Variants in BLK observed in about 807,000 individuals in gnomAD.
The protein encoded by BLK is tyrosine-protein kinase Blk.
In BLK, 64 loss-of-function variants were observed where a neutral mutation model predicts 61.8. The observed-to-expected ratio is 1.03, with a 90% CI of 0.85 to 1.27. The LOEUF (loss-of-function observed/expected upper bound fraction) is 1.27. BLK is among the 50% of genes most tolerant of loss of function. The pLI, the probability that BLK is intolerant of heterozygous loss-of-function variation, is 0.00. For synonymous variants in BLK, 351 were observed against 272.0 expected, an observed-to-expected ratio of 1.29 and a Z score of -2.86; for missense variants, 853 against 660.5, an observed-to-expected ratio of 1.29 and a Z score of -3.19.
chr8:11,534,828 T>C (rs1800045764), intron 1 of BLK, among the ~76,000 whole-genome samples: 1 of 152,220 alleles, frequency 6.6e-6, no homozygotes, highest in African/African-American at 2.4e-5. Context: ...CCTCTCACCA[T>C]CAGGCTCTGT....
At chr8:11,559,998 G>T (rs2117589671) in intron 10 of BLK, 1 of 365,664 alleles carries the variant, frequency 2.7e-6, no homozygotes, top group Admixed American at 3.7e-5. Flanking sequence ...ATAAATATTA[G>T]TTATCAGAAC....
At chr8:11,535,284 G>GAAAGAAAGAA in intron 1 of BLK, among the ~76,000 whole-genome samples, 1 of 138,856 alleles carries the variant, frequency 7.2e-6, no homozygotes, top group South Asian at 2.6e-4. Context: ...AAGAAAGAAA[G>GAAAGAAAGAA]AAAGAAAGAA....
intron 8 of BLK, 151 bp downstream of exon 8, chr8:11,555,635 G>A (rs1801175771): frequency 1.6e-6 from 2 of 1,232,308 alleles, no homozygotes; most frequent in Non-Finnish European, 2.3e-6. Context: ...ATTTTACAGA[G>A]GAGGAAGTGG....
intron 1 of BLK, among the ~76,000 whole-genome samples, chr8:11,513,679 T>G (rs1799111285): frequency 6.6e-6 from 1 of 152,206 alleles, no homozygotes; most frequent in Non-Finnish European, 1.5e-5. Flanking sequence ...TACCAAGTGA[T>G]CCAGGGAGGC....
At chr8:11,498,961 TA>T (rs1798460490) in intron 1 of BLK, among the ~76,000 whole-genome samples, 2 of 152,268 alleles carry the variant, frequency 1.3e-5, no homozygotes, top group African/African-American at 4.8e-5. Flanking sequence ...TTCTTTGATT[TA>T]CTTTTATGCC....
At chr8:11,546,824 C>A (rs1468963166) in intron 3 of BLK, among the ~76,000 whole-genome samples, 1 of 152,236 alleles carries the variant, frequency 6.6e-6, no homozygotes, top group Admixed American at 6.5e-5. Flanking sequence ...GATCTGCCCG[C>A]CTCAGCCTCT....
chr8:11,548,708 G>A (rs1487240819), intron 4 of BLK, among the ~76,000 whole-genome samples: 2 of 152,184 alleles, frequency 1.3e-5, no homozygotes, highest in African/African-American at 4.8e-5. Context: ...CGCCAACCGT[G>A]TTTTTCTCAA....
chr8:11,510,728 G>A (rs182188358), intron 1 of BLK, among the ~76,000 whole-genome samples: 24 of 151,882 alleles, frequency 1.6e-4, no homozygotes, highest in African/African-American at 2.9e-4. Flanking sequence ...TATTATCCCC[G>A]GGATAGCGCC....
rs1798970599 is a variant in BLK at position 11,510,798 on chromosome 8, TAA to T, written c.-2+16209_-2+16210del. Among the ~76,000 whole-genome samples, 4 of 151,330 alleles carry T rather than the reference TAA, an allele frequency of 2.6e-5. No individual in the cohort carries two copies. The South Asian group carries it at 8.3e-4, about 31-fold the overall frequency. ...TCAAATAAATAAATAAATAAATAAA[TAA>T]ATAAATAAATAAATAAATACATAAA... On this transcript the variant is annotated intron_variant, in intron 1 of 12. Transcript: ENST00000259089.
At chr8:11,532,912 C>T (rs534055542) in intron 1 of BLK, among the ~76,000 whole-genome samples, 2 of 152,332 alleles carry the variant, frequency 1.3e-5, no homozygotes, top group African/African-American at 4.8e-5. Context: ...TTTTGAATAA[C>T]AGTTCTGTGA....
chr8:11,536,971 C>T (rs1243012457), intron 1 of BLK, among the ~76,000 whole-genome samples: 1 of 152,138 alleles, frequency 6.6e-6, no homozygotes, highest in Non-Finnish European at 1.5e-5. Flanking sequence ...ATGCCTGTAC[C>T]TTCCGCTATG....
chr8:11,556,110 G>T, intron 8 of BLK: 1 of 226,694 alleles, frequency 4.4e-6, no homozygotes, highest in Non-Finnish European at 8.8e-6. Context: ...CTGTACCCAG[G>T]TCCCTGCCAA....
intron 1 of BLK, among the ~76,000 whole-genome samples, chr8:11,540,818 A>G (rs551574813): frequency 6.6e-6 from 1 of 151,548 alleles, no homozygotes; most frequent in East Asian, 1.9e-4. Flanking sequence ...CCTGTGAGGA[A>G]CAGATAACCC....
At chr8:11,554,442 A>G (rs1801087679) in intron 6 of BLK, among the ~76,000 whole-genome samples, 1 of 152,064 alleles carries the variant, frequency 6.6e-6, no homozygotes. Context: ...CAGATGCCCA[A>G]GTGGGGACCT....
chr8:11,507,205 G>A (rs549650909), intron 1 of BLK, among the ~76,000 whole-genome samples: 1 of 152,336 alleles, frequency 6.6e-6, no homozygotes, highest in African/African-American at 2.4e-5. Flanking sequence ...GAAGAGTGAA[G>A]TGGGGAAGGA....
At chr8:11,512,752 C>A (rs573239628) in intron 1 of BLK, among the ~76,000 whole-genome samples, 5 of 152,206 alleles carry the variant, frequency 3.3e-5, no homozygotes, top group African/African-American at 1.2e-4. Context: ...CAACCTCCCC[C>A]TCCTGGGTTC....
intron 10 of BLK, chr8:11,559,008 T>G: frequency 2.2e-6 from 1 of 456,264 alleles, no homozygotes; most frequent in Non-Finnish European, 4.4e-6. Flanking sequence ...AAATGAGTGC[T>G]GGTAACCGGC....
At chr8:11,531,715 C>A (rs4841550) in intron 1 of BLK, among the ~76,000 whole-genome samples, 5 of 151,934 alleles carry the variant, frequency 3.3e-5, no homozygotes, top group South Asian at 2.1e-4. Flanking sequence ...TAATTTCTCC[C>A]CAGTCACTGA....
At position 11,563,058 on chromosome 8, in the gene BLK, G is replaced by A. The variant is rs374263505; in HGVS notation, c.1260G>A (p.Ser420=). 3.5e-5 allele frequency: 57 copies of A among 1,614,052 alleles called. No individual in the cohort carries two copies. The highest frequency in any genetic ancestry group is 4.4e-5 in the Non-Finnish European group (52 of 1,180,048). The change falls in exon 12 of 13, where the codon TCG becomes TCA. Residue 420 remains serine (S), a synonymous_variant. Coordinates refer to ENST00000259089, the MANE Select transcript of BLK (RefSeq NM_001715.3). ...GVFTIKADVW[S]FGVLLMEVVT... ...TCACCATCAAAGCAGACGTGTGGTCGTTTGGAGTCCTCCTGATGGAAGTTG... is the reference window on the plus strand; with the variant it reads ...TCACCATCAAAGCAGACGTGTGGTCATTTGGAGTCCTCCTGATGGAAGTTG...
Sources: allele counts gnomAD v4.1 joint callset (sites outside exome capture counted in the v4.1 genomes callset), GRCh38; gene constraint gnomAD v4.1.1; transcripts MANE v1.5; gene names NCBI Gene and HGNC (gene_info 2026-07-23, HGNC 2026-07-21).